The following ARAP2 variants were observed in gnomAD, a reference collection of about 807,000 sequenced individuals.
ARAP2 encodes the protein arf-GAP with Rho-GAP domain, ANK repeat and PH domain-containing protein 2.
A neutral mutation model predicts 194.5 loss-of-function variants in ARAP2; 148 were observed. The observed-to-expected ratio is 0.76, with a 90% CI of 0.67 to 0.87. The LOEUF (loss-of-function observed/expected upper bound fraction) is 0.87, where lower values mean the gene tolerates loss of function less well. ARAP2 is among the 40% of genes least tolerant of loss of function. ARAP2 has a pLI of 0.00. For synonymous variants in ARAP2, 695 were observed against 683.5 expected, an observed-to-expected ratio of 1.02 and a Z score of -0.26; for missense variants, 2,128 against 1,989.7, an observed-to-expected ratio of 1.07 and a Z score of -1.32.
In ARAP2 at chr4:36,083,448, A is replaced by G; in HGVS notation, c.4428T>C (p.Ser1476=). The change falls in exon 29 of 33, where the codon AGT becomes AGC. Residue 1476 remains serine (S), a splice_region_variant and synonymous_variant. Transcript: ENST00000303965. ...GFLFLYKDVK[S]SKHDKMFSLS... is the part of the protein sequence containing the mutation. ...GAGAAAACATCTTGTCATGTTTACTACTCTGTAAGGTAAAAAAATAATTTG... is the reference window on the plus strand; with the variant it reads ...GAGAAAACATCTTGTCATGTTTACTGCTCTGTAAGGTAAAAAAATAATTTG... The G allele has an allele frequency of 6.3e-7, 1 of 1,578,552 alleles. No homozygotes were observed. Among genetic ancestry groups the G allele is most frequent in the South Asian group, 1.2e-5 (1 of 85,412 alleles).
chr4:36,083,366 A>T lies in ARAP2; in HGVS notation c.4508+2T>A. ...TTTCAGCACTTCCCTTTCAAACTTT[A>T]CCTTGTTGGAGGCTTCATTTTCTTT... On this transcript the variant is annotated splice_donor_variant, in intron 29 of 32. Transcript: ENST00000303965. LOFTEE classifies it high-confidence loss of function. 1 of 1,595,566 alleles carries T rather than the reference A, an allele frequency of 6.3e-7. No homozygotes were observed. The highest frequency in any genetic ancestry group is 8.5e-7 in the Non-Finnish European group (1 of 1,170,348).
At chr4:36,021,967 A>G (rs750925720) in intron 5 of ARAP2, among the ~76,000 whole-genome samples, 53 of 152,274 alleles carry the variant, frequency 3.5e-4, no homozygotes, top group Middle Eastern at 6.8e-3. Context: ...TAGGCTATAT[A>G]GTATAGCCTA....
Position 36,213,235 on chromosome 4 carries a change from G to A in ARAP2, c.1041+8C>T. ...TTATGGAAAACAATTAAAATGTATG[G>A]GACTAACCTTGGAATTTTCTAGTCT... On this transcript the variant is annotated splice_region_variant and intron_variant, in intron 4 of 32. Coordinates refer to ENST00000303965, the MANE Select transcript of ARAP2 (RefSeq NM_015230.4). The A allele has an allele frequency of 1.9e-6, 3 of 1,566,342 alleles. No individual in the cohort carries two copies. The highest frequency in any genetic ancestry group is 2.6e-6 in the Non-Finnish European group (3 of 1,137,798).
intron 5 of ARAP2, among the ~76,000 whole-genome samples, chr4:36,043,406 G>A (rs1012021622): frequency 6.6e-6 from 1 of 152,106 alleles, no homozygotes; most frequent in Non-Finnish European, 1.5e-5. Flanking sequence ...CCCTGTCTAT[G>A]TCTCAACATT....
At chr4:36,055,821 C>T (rs1723412739) in intron 2 of ARAP2, among the ~76,000 whole-genome samples, 1 of 152,178 alleles carries the variant, frequency 6.6e-6, no homozygotes, top group Non-Finnish European at 1.5e-5. Context: ...GCCTTGGCCT[C>T]CCAAAGTGCT....
chr4:36,055,654 C>T (rs373837149), intron 2 of ARAP2, among the ~76,000 whole-genome samples: 6 of 152,230 alleles, frequency 3.9e-5, no homozygotes, highest in African/African-American at 1.4e-4. Flanking sequence ...ACCTCTGCCT[C>T]CTGGGTTCAA....
intron 32 of ARAP2, among the ~76,000 whole-genome samples, chr4:36,068,594 T>A (rs534772348): frequency 6.6e-6 from 1 of 152,168 alleles, no homozygotes; most frequent in Non-Finnish European, 1.5e-5. Context: ...CGGTTAGTGA[T>A]GCGCGGTAGG....
intron 5 of ARAP2, among the ~76,000 whole-genome samples, chr4:36,034,163 GT>G (rs1403886297): frequency 1.3e-5 from 2 of 152,020 alleles, no homozygotes; most frequent in Non-Finnish European, 2.9e-5. Flanking sequence ...TTTAAAATAG[GT>G]GTTTCTAGTT....
At chr4:36,181,578 T>A (rs1739264269) in intron 8 of ARAP2, among the ~76,000 whole-genome samples, 1 of 152,198 alleles carries the variant, frequency 6.6e-6, no homozygotes. Flanking sequence ...TTACTTCTGA[T>A]ATGTTAATAT....
intron 27 of ARAP2, among the ~76,000 whole-genome samples, chr4:36,105,654 AT>A (rs960533934): frequency 3.3e-4 from 49 of 149,614 alleles, no homozygotes; most frequent in African/African-American, 1.2e-3. Flanking sequence ...TTACCCAGAT[AT>A]GACTGCTCTA....
intron 22 of ARAP2, among the ~76,000 whole-genome samples, chr4:36,121,742 C>T (rs1387287315): frequency 6.6e-6 from 1 of 151,662 alleles, no homozygotes; most frequent in African/African-American, 2.4e-5. Context: ...GGTCATTAGA[C>T]ATATAATTGA....
chr4:36,117,788 T>C (rs1231089627), intron 24 of ARAP2, among the ~76,000 whole-genome samples: 1 of 151,568 alleles, frequency 6.6e-6, no homozygotes, highest in Non-Finnish European at 1.5e-5. Context: ...ATTTAGGTCA[T>C]TATTATATCC....
At chr4:36,016,510 CAG>C (rs56752579) in intron 6 of ARAP2, among the ~76,000 whole-genome samples, 52,078 of 151,432 alleles carry the variant, frequency 0.34, 9,098 homozygotes, top group Admixed American at 0.44. Context: ...TGAAATCTTT[CAG>C]AGTTAAGAGA....
At chr4:36,072,598 A>T (rs1251355484) in intron 32 of ARAP2, among the ~76,000 whole-genome samples, 3 of 151,058 alleles carry the variant, frequency 2.0e-5, no homozygotes, top group Admixed American at 6.6e-5. Flanking sequence ...GGGAAATGTA[A>T]CTCTTAGAAT....
intron 27 of ARAP2, among the ~76,000 whole-genome samples, chr4:36,102,249 A>G (rs781270141): frequency 7.2e-5 from 11 of 152,048 alleles, no homozygotes; most frequent in Non-Finnish European, 1.5e-4. Context: ...GGCTCCATCC[A>G]TCACTCCCAA....
chr4:36,050,364 A>G (rs1722463579), intron 3 of ARAP2, among the ~76,000 whole-genome samples: 2 of 152,218 alleles, frequency 1.3e-5, no homozygotes, highest in Non-Finnish European at 2.9e-5. Context: ...TTAGTACAAA[A>G]GTAACTCTTG....
chr4:36,133,036 G>A (rs1725795603), intron 20 of ARAP2, among the ~76,000 whole-genome samples, 190 bp downstream of exon 20: 1 of 151,694 alleles, frequency 6.6e-6, no homozygotes, highest in African/African-American at 2.4e-5. Context: ...TGGTAAAAAT[G>A]TATAGTTTAA....
At chr4:36,054,609 C>T (rs772171582) in intron 2 of ARAP2, among the ~76,000 whole-genome samples, 46 of 152,138 alleles carry the variant, frequency 3.0e-4, no homozygotes, top group Non-Finnish European at 2.8e-4. Flanking sequence ...CTATATAGAA[C>T]AAATGAGACT....
chr4:36,056,289 A>G (rs1056535052), intron 2 of ARAP2, among the ~76,000 whole-genome samples: 35 of 152,324 alleles, frequency 2.3e-4, no homozygotes, highest in Middle Eastern at 6.8e-3. Flanking sequence ...TCTGGAGTTC[A>G]TCTTCTTACA....
Sources: allele counts gnomAD v4.1 joint callset (sites outside exome capture counted in the v4.1 genomes callset), GRCh38; gene constraint gnomAD v4.1.1; transcripts MANE v1.5; gene names NCBI Gene and HGNC (gene_info 2026-07-23, HGNC 2026-07-21).